Variants in SLC2A11 observed in about 807,000 individuals in gnomAD.
SLC2A11 encodes the protein solute carrier family 2, facilitated glucose transporter member 11.
In SLC2A11, 43 loss-of-function variants were observed where a neutral mutation model predicts 52.1. The ratio of observed to expected loss-of-function variants is 0.82; its 90% CI spans 0.65 to 1.06. The LOEUF (loss-of-function observed/expected upper bound fraction) is 1.06. SLC2A11 is among the 50% of genes least tolerant of loss of function. The pLI is 0.00. For synonymous variants in SLC2A11, 261 were observed against 277.6 expected, an observed-to-expected ratio of 0.94 and a Z score of 0.59; for missense variants, 582 against 654.2, an observed-to-expected ratio of 0.89 and a Z score of 1.20.
At chr22:23,881,845 C>CACAGAGACAGAGAGATTGAGAGAG (rs2032805496) in intron 6 of SLC2A11, 2 of 124,862 alleles carry the variant, frequency 1.6e-5, no homozygotes, top group Admixed American at 8.5e-5. Context: ...CACACACAGA[C>CACAGAGACAGAGAGATTGAGAGAG]ACAGAGACAG....
intron 1 of SLC2A11, among the ~76,000 whole-genome samples, chr22:23,859,191 G>C (rs776310460): frequency 5.9e-5 from 9 of 152,350 alleles, no homozygotes; most frequent in Non-Finnish European, 1.0e-4. Context: ...CCCCCGTGGA[G>C]CTGTAATTTG....
rs766764724 is a variant in SLC2A11, at chr22:23,883,934, C to T, written c.1096-15C>T. 3 of 1,612,132 alleles carry T rather than the reference C, an allele frequency of 1.9e-6. No homozygotes were observed. In the African/African-American group the frequency reaches 4.0e-5, roughly 22 times the overall value. On this transcript the variant is annotated splice_polypyrimidine_tract_variant and intron_variant, in intron 9 of 11. Transcript: ENST00000316185. ...CGGGCTGACTTCCACCTCACCCCCG[C>T]CCCGTCCACGGCAGAGCTCCTTCCC...
intron 3 of SLC2A11, among the ~76,000 whole-genome samples, chr22:23,874,789 TC>T (rs965278679): frequency 2.6e-5 from 4 of 151,986 alleles, no homozygotes; most frequent in Non-Finnish European, 5.9e-5. Flanking sequence ...TAGGGTTTCA[TC>T]ATGTTGACCT....
Position 23,877,308 on chromosome 22 carries a change from C to T in SLC2A11, c.545+137C>T, listed in dbSNP as rs1269643400. The T allele has an allele frequency of 2.8e-6, 4 of 1,431,098 alleles. No individual in the cohort carries two copies. In the East Asian group the frequency reaches 6.9e-5, roughly 25 times the overall value. The allele number at this position is 1,431,098 out of a possible 1,614,324, so 88.6% of individuals were successfully genotyped here. ...ATGAAGGCATCGAATCCTCTATCCA[C>T]ATCTCTGCTGCCAATTCACGAAATG... On this transcript the variant is annotated intron_variant, in intron 5 of 11. Transcript: ENST00000316185.
intron 3 of SLC2A11, chr22:23,872,381 T>A (rs1308791559): frequency 6.6e-6 from 1 of 152,080 alleles, no homozygotes; most frequent in Non-Finnish European, 1.5e-5. Flanking sequence ...GATAGTAATT[T>A]GCTGAAGGAG....
At chr22:23,860,329 G>A (rs1440255559) in intron 1 of SLC2A11, among the ~76,000 whole-genome samples, 7 of 152,088 alleles carry the variant, frequency 4.6e-5, no homozygotes, top group Non-Finnish European at 8.8e-5. Flanking sequence ...TGGGAGGATC[G>A]CTTGAGCCCA....
upstream of SLC2A11, chr22:23,857,233 G>A: frequency 1.4e-6 from 1 of 725,362 alleles, no homozygotes; most frequent in South Asian, 1.8e-5. Context: ...TCAGACCAGC[G>A]AGAGACAGAG....
intron 3 of SLC2A11, chr22:23,873,232 G>C (rs1174055368): frequency 1.3e-5 from 2 of 152,046 alleles, no homozygotes; most frequent in Non-Finnish European, 2.9e-5. Flanking sequence ...ATGTTGGTCA[G>C]GCTGGTCCCG....
intron 3 of SLC2A11, among the ~76,000 whole-genome samples, chr22:23,873,543 C>T (rs999573036): frequency 6.6e-6 from 1 of 151,994 alleles, no homozygotes; most frequent in Non-Finnish European, 1.5e-5. Context: ...CTTCTGACCT[C>T]GTGATCCCCC....
rs1388733878 is a variant in SLC2A11, at chr22:23,862,205, A to G, written c.129+3A>G. On this transcript the variant is annotated splice_donor_region_variant and intron_variant, in intron 2 of 11. Transcript: ENST00000316185. ...CTATCATCAATGCCCCGACCTTGGTATGTATCCTCTCTGGGTGGAGACTGT... is the reference window on the plus strand; with the variant it reads ...CTATCATCAATGCCCCGACCTTGGTGTGTATCCTCTCTGGGTGGAGACTGT... 1 of 1,613,756 alleles carries G rather than the reference A, an allele frequency of 6.2e-7. No individual in the cohort carries two copies. The highest frequency in any genetic ancestry group is 1.1e-5 in the South Asian group (1 of 91,072).
At chr22:23,864,444 G>A (rs12628669) in intron 2 of SLC2A11, among the ~76,000 whole-genome samples, 44,292 of 151,980 alleles carry the variant, frequency 0.29, 6,807 homozygotes, top group Non-Finnish European at 0.33. Context: ...TCAGCCTCCC[G>A]AGTAGCTGGG....
chr22:23,879,192 G>A (rs554984269), intron 6 of SLC2A11, among the ~76,000 whole-genome samples: 2 of 152,270 alleles, frequency 1.3e-5, no homozygotes, highest in African/African-American at 2.4e-5. Context: ...CCAGGCTGGA[G>A]TGCTGTGGCT....
rs1035629672 is a variant in SLC2A11 at position 23,864,048 on chromosome 22, A to G, written c.129+1846A>G. The stretch of plus-strand genomic sequence containing the variant: ...GTTAGCTCATGTAGAAAGGCAGGGA[A>G]GAGCCTGAGGGGCTGGTTTGGATTA... On this transcript the variant is annotated intron_variant, in intron 2 of 11. Coordinates refer to ENST00000316185, the MANE Select transcript of SLC2A11 (RefSeq NM_001024939.4). 3.3e-5 allele frequency among the ~76,000 whole-genome samples: 5 copies of G among 152,268 alleles called. 1 individual carries two copies. The South Asian group carries it at 1.0e-3, about 32-fold the overall frequency.
intron 3 of SLC2A11, chr22:23,870,498 C>G (rs2032417060): frequency 6.2e-6 from 1 of 160,400 alleles, no homozygotes; most frequent in Non-Finnish European, 1.4e-5. Context: ...ACCCTATTTG[C>G]TTTGTTTATC....
intron 1 of SLC2A11, among the ~76,000 whole-genome samples, chr22:23,858,765 C>T (rs1158270033): frequency 6.6e-6 from 1 of 152,096 alleles, no homozygotes; most frequent in East Asian, 1.9e-4. Context: ...TCCTACGCCC[C>T]TTCACTGCTT....
intron 6 of SLC2A11, chr22:23,880,813 A>G (rs754907868): frequency 2.2e-4 from 34 of 152,118 alleles, no homozygotes; most frequent in Admixed American, 2.0e-4. Context: ...CAAACTGGCC[A>G]GTTATTTTCT....
chr22:23,861,857 G>A (rs531525791), intron 1 of SLC2A11, among the ~76,000 whole-genome samples: 17 of 152,338 alleles, frequency 1.1e-4, no homozygotes, highest in African/African-American at 4.1e-4. Flanking sequence ...TCAGGGAAAT[G>A]TTGGGGCTAT....
intron 4 of SLC2A11, among the ~76,000 whole-genome samples, chr22:23,875,882 G>A (rs1351672835): frequency 6.6e-6 from 1 of 152,210 alleles, no homozygotes; most frequent in Non-Finnish European, 1.5e-5. Flanking sequence ...TTAGGTAGGT[G>A]GCTCTGGCTT....
At chr22:23,868,859 T>C in intron 3 of SLC2A11, 3 of 515,566 alleles carry the variant, frequency 5.8e-6, no homozygotes, top group East Asian at 2.9e-5. Flanking sequence ...GGAGGACTCC[T>C]GGTTTCTAAT....
Sources: allele counts gnomAD v4.1 joint callset (sites outside exome capture counted in the v4.1 genomes callset), GRCh38; gene constraint gnomAD v4.1.1; transcripts MANE v1.5; gene names NCBI Gene and HGNC (gene_info 2026-07-23, HGNC 2026-07-21).